The following SDK1 variants were observed in gnomAD, a reference collection of about 807,000 sequenced individuals.
SDK1 encodes the protein sidekick cell adhesion molecule 1.
In SDK1, 157 loss-of-function variants were observed where a neutral mutation model predicts 245.5. The ratio of observed to expected loss-of-function variants is 0.64; its 90% CI spans 0.56 to 0.73. SDK1 has a LOEUF of 0.73. Ranked by LOEUF, SDK1 falls within the 30% of genes least tolerant of loss-of-function variation. The pLI is 0.00. For missense variants in SDK1, 3,583 were observed against 3,002.3 expected, an observed-to-expected ratio of 1.19 and a Z score of -4.52; for synonymous variants, 1,647 against 1,278.5, an observed-to-expected ratio of 1.29 and a Z score of -6.15.
chr7:3,319,536 T>A (rs1370666241), intron 1 of SDK1, among the ~76,000 whole-genome samples: 1 of 150,932 alleles, frequency 6.6e-6, no homozygotes, highest in Non-Finnish European at 1.5e-5. Flanking sequence ...TCTGGCTTCT[T>A]GGCCTGGCAG....
At chr7:3,684,903 T>A (rs994426452) in intron 4 of SDK1, among the ~76,000 whole-genome samples, 13 of 152,106 alleles carry the variant, frequency 8.5e-5, no homozygotes, top group Admixed American at 1.3e-4. Context: ...ACCGAATCCA[T>A]GAACTTGAGG....
intron 5 of SDK1, among the ~76,000 whole-genome samples, chr7:3,900,729 C>G (rs1262539122): frequency 6.6e-6 from 1 of 151,878 alleles, no homozygotes; most frequent in Non-Finnish European, 1.5e-5. Context: ...CCTCTCTCCC[C>G]CTCTCCATTT....
chr7:3,846,337 G>A (rs2115095429), intron 5 of SDK1, among the ~76,000 whole-genome samples: 1 of 152,304 alleles, frequency 6.6e-6, no homozygotes, highest in Middle Eastern at 3.4e-3. Flanking sequence ...AGAGTCTAAG[G>A]TGTGCATTCT....
At chr7:3,589,624 A>G (rs1780797998) in intron 1 of SDK1, among the ~76,000 whole-genome samples, 1 of 152,222 alleles carries the variant, frequency 6.6e-6, no homozygotes, top group Non-Finnish European at 1.5e-5. Context: ...AAGGAGGAGT[A>G]CAGACACGTC....
intron 1 of SDK1, among the ~76,000 whole-genome samples, chr7:3,453,616 A>T (rs897219220): frequency 1.2e-4 from 19 of 152,184 alleles, no homozygotes; most frequent in African/African-American, 4.6e-4. Flanking sequence ...CTACTGTAAG[A>T]GGCAAGGAGC....
At chr7:3,457,617 C>A (rs957343997) in intron 1 of SDK1, among the ~76,000 whole-genome samples, 1 of 152,192 alleles carries the variant, frequency 6.6e-6, no homozygotes, top group Non-Finnish European at 1.5e-5. Flanking sequence ...CATCTCTAAA[C>A]TGTATGAATT....
chr7:3,593,571 C>T (rs1449633832), intron 1 of SDK1, among the ~76,000 whole-genome samples: 2 of 152,218 alleles, frequency 1.3e-5, no homozygotes, highest in African/African-American at 2.4e-5. Flanking sequence ...ATTGACTAGC[C>T]TCAGCTAAGG....
Position 3,579,071 on chromosome 7 carries a change from C to T in SDK1, c.299-40009C>T, listed in dbSNP as rs184788179. The stretch of plus-strand genomic sequence containing the variant: ...TCCAGCTGGTCCCTCCATTTGGTGT[C>T]CCTGACTTCCTGCAACAACTTTTCC... On this transcript the variant is annotated intron_variant, in intron 1 of 44. Transcript: ENST00000404826. 5.3e-5 allele frequency among the ~76,000 whole-genome samples: 8 copies of T among 152,014 alleles called. 1 individual carries two copies. The South Asian group carries it at 8.3e-4, about 16-fold the overall frequency.
At chr7:3,654,308 C>T (rs1400935061) in intron 4 of SDK1, among the ~76,000 whole-genome samples, 1 of 152,130 alleles carries the variant, frequency 6.6e-6, no homozygotes, top group Admixed American at 6.5e-5. Flanking sequence ...ATTAGTGTCC[C>T]TCAACGTGAG....
intron 2 of SDK1, among the ~76,000 whole-genome samples, chr7:3,634,448 C>G (rs766760544): frequency 1.3e-5 from 2 of 152,140 alleles, no homozygotes; most frequent in Non-Finnish European, 2.9e-5. Context: ...CTTTGCCATT[C>G]CTGATAATGA....
chr7:3,951,472 G>A (rs991916910), intron 6 of SDK1, among the ~76,000 whole-genome samples: 1 of 152,206 alleles, frequency 6.6e-6, no homozygotes, highest in African/African-American at 2.4e-5. Flanking sequence ...CTGAGCAAAT[G>A]GGATCATTAG....
At chr7:4,144,844 C>T (rs1456033130) in intron 28 of SDK1, among the ~76,000 whole-genome samples, 1 of 152,178 alleles carries the variant, frequency 6.6e-6, no homozygotes, top group East Asian at 1.9e-4. Flanking sequence ...TTGTTTAACT[C>T]CAGCAGTTGA....
At chr7:3,527,066 G>C (rs987251544) in intron 1 of SDK1, among the ~76,000 whole-genome samples, 2 of 152,030 alleles carry the variant, frequency 1.3e-5, no homozygotes, top group African/African-American at 4.8e-5. Flanking sequence ...TAGTGCTAGT[G>C]GTCACCAGCC....
intron 1 of SDK1, among the ~76,000 whole-genome samples, chr7:3,332,899 T>TA (rs1162388926): frequency 6.6e-6 from 1 of 152,192 alleles, no homozygotes; most frequent in Admixed American, 6.5e-5. Context: ...GTTAAACAGT[T>TA]ATTCAGCTTA....
At chr7:4,187,478 A>G (rs949771659) in intron 35 of SDK1, among the ~76,000 whole-genome samples, 3 of 152,238 alleles carry the variant, frequency 2.0e-5, no homozygotes, top group African/African-American at 7.2e-5. Flanking sequence ...GTGACCAGAT[A>G]CAGGGCTCAG....
chr7:4,093,418 T>C (rs1781928717), intron 22 of SDK1, among the ~76,000 whole-genome samples: 1 of 137,460 alleles, frequency 7.3e-6, no homozygotes, highest in Non-Finnish European at 1.5e-5. Flanking sequence ...GGTAACACTT[T>C]AGGTACAGCT....
At position 3,417,179 on chromosome 7, in the gene SDK1, C is replaced by G. The variant is rs185384066; in HGVS notation, c.298+115295C>G. Among the ~76,000 whole-genome samples, 142 of 152,134 alleles carry G rather than the reference C, an allele frequency of 9.3e-4. 1 individual carries two copies. Among genetic ancestry groups the G allele is most frequent in the African/African-American group, 3.2e-3 (134 of 41,518 alleles). On this transcript the variant is annotated intron_variant, in intron 1 of 44. Transcript: ENST00000404826. ...ACAAGAGCTAAACTCTGTATAAAAA[C>G]AAAAAATAACAAAAAAACTAGCGAG...
intron 4 of SDK1, among the ~76,000 whole-genome samples, chr7:3,715,348 C>G (rs990129387): frequency 6.6e-6 from 1 of 152,116 alleles, no homozygotes; most frequent in South Asian, 2.1e-4. Flanking sequence ...TTTTCCGATC[C>G]GTTTACAGTG....
At position 3,834,580 on chromosome 7, in the gene SDK1, A is replaced by G. The variant is rs576123095; in HGVS notation, c.847+12997A>G. ...GGGTTGGGGTAGAACAGCACTGTCT[A>G]TGACCGGGAACTGCCATAACCACCG... On this transcript the variant is annotated intron_variant, in intron 5 of 44. Transcript: ENST00000404826. 4.1e-4 allele frequency among the ~76,000 whole-genome samples: 62 copies of G among 152,326 alleles called. No homozygotes were observed. The South Asian group carries it at 0.011, about 28-fold the overall frequency.
Sources: gnomAD v4.1 joint callset for allele counts (sites outside exome capture counted in the v4.1 genomes callset) on GRCh38, gnomAD v4.1.1 for gene constraint, MANE v1.5 for transcripts, NCBI Gene and HGNC (gene_info 2026-07-23, HGNC 2026-07-21) for gene names.